Variants in PRMT8 observed in about 807,000 individuals in gnomAD.
PRMT8 encodes the protein protein arginine methyltransferase 8.
PRMT8 carries 7 observed loss-of-function variants against 47.1 expected under a neutral mutation model. The ratio of observed to expected loss-of-function variants is 0.15; its 90% confidence interval spans 0.08 to 0.28. PRMT8 has a LOEUF of 0.28. PRMT8 is among the 10% of genes least tolerant of loss of function. The pLI is 1.00. For synonymous variants in PRMT8, 188 were observed against 186.5 expected, an observed-to-expected ratio of 1.01 and a Z score of -0.07; for missense variants, 237 against 505.4, an observed-to-expected ratio of 0.47 and a Z score of 5.09.
intron 1 of PRMT8, among the ~76,000 whole-genome samples, chr12:3,419,816 C>T (rs1406915877): frequency 3.9e-5 from 6 of 151,956 alleles, no homozygotes; most frequent in African/African-American, 1.5e-4. Context: ...CGCATCCTTT[C>T]TCCTGGCTTG....
chr12:3,405,845 G>A (rs1591540335), intron 1 of PRMT8, among the ~76,000 whole-genome samples: 1 of 152,326 alleles, frequency 6.6e-6, no homozygotes, highest in African/African-American at 2.4e-5. Context: ...CAGGCACACT[G>A]TGTAAGCTGT....
At chr12:3,546,856 C>T (rs574477081) in intron 2 of PRMT8, among the ~76,000 whole-genome samples, 18 of 152,198 alleles carry the variant, frequency 1.2e-4, no homozygotes, top group South Asian at 2.1e-4. Flanking sequence ...AAAGGTAAGA[C>T]AAAGTTACAG....
chr12:3,404,450 A>C (rs1456582459), intron 1 of PRMT8, among the ~76,000 whole-genome samples: 1 of 152,226 alleles, frequency 6.6e-6, no homozygotes, highest in South Asian at 2.1e-4. Context: ...CTAAGTGAAC[A>C]TACTCATCTA....
chr12:3,542,811 C>T (rs1030639305), intron 2 of PRMT8, among the ~76,000 whole-genome samples: 1 of 152,250 alleles, frequency 6.6e-6, no homozygotes, highest in African/African-American at 2.4e-5. Context: ...TTACCGATCT[C>T]TATAATTCCT....
upstream of PRMT8, among the ~76,000 whole-genome samples, chr12:3,490,393 A>T (rs761427825): frequency 1.8e-4 from 28 of 152,010 alleles, no homozygotes; most frequent in Non-Finnish European, 4.0e-4. Context: ...TGCCGCCCAA[A>T]CTCCCTTAAA....
In PRMT8 at chr12:3,540,885, T is replaced by TG. The variant is rs1489818867; in HGVS notation, c.261+96dup. 17 of 1,366,482 alleles carry TG rather than the reference T, an allele frequency of 1.2e-5. No homozygotes were observed. In the East Asian group the frequency reaches 3.9e-4, roughly 31 times the overall value. The allele number at this position is 1,366,482 out of a possible 1,614,324, so 84.6% of individuals were successfully genotyped here. A position where few individuals can be genotyped will look rare whatever the true frequency, so the allele number is the denominator to read the frequency against. ...GCATAGTGTGTTCAACTCCTTACCA[T>TG]GGTAAAGGGAGTGCTCCCAGTGTTC... On this transcript the variant is annotated intron_variant, in intron 2 of 9. Coordinates refer to ENST00000382622, the MANE Select transcript of PRMT8 (RefSeq NM_019854.5).
intron 3 of PRMT8, chr12:3,551,733 C>T (rs951368981): frequency 6.6e-6 from 1 of 152,306 alleles, no homozygotes; most frequent in Non-Finnish European, 1.5e-5. Flanking sequence ...CACAGTTTCT[C>T]CTGTTCCAGA....
chr12:3,475,187 G>A (rs778525603), intron 1 of PRMT8, among the ~76,000 whole-genome samples: 1 of 152,206 alleles, frequency 6.6e-6, no homozygotes, highest in Non-Finnish European at 1.5e-5. Context: ...CCCAGTGGCC[G>A]TGGAACATCT....
At chr12:3,577,035 G>A (rs758174628) in intron 7 of PRMT8, 49 bp downstream of exon 7, 2 of 1,508,634 alleles carry the variant, frequency 1.3e-6, no homozygotes, top group Non-Finnish European at 1.8e-6. Flanking sequence ...GAGCCCCGCT[G>A]TGCCACCCTG....
chr12:3,583,063 G>T lies in PRMT8; in HGVS notation c.834G>T (p.Val278=), dbSNP rs777512363. ...VVTNACLIKE[V]DIYTVKTEEL... is the part of the protein sequence containing the mutation. ...CTCTCTTCTCTGGGCTGCAGGAGGT[G>T]GACATTTACACAGTGAAGACGGAAG... Residue 278 remains valine (V), a synonymous_variant, in exon 8 of 10, where the codon GTG becomes GTT. Transcript: ENST00000382622. This position sits in a 1 kb window ranked among gnomAD's most constrained non-coding sequence, Gnocchi z 4.7. 1.2e-5 allele frequency: 19 copies of T among 1,612,794 alleles called. No homozygotes were observed. The highest frequency in any genetic ancestry group is 1.7e-4 in the Middle Eastern group (1 of 5,978).
At chr12:3,498,578 C>T (rs1865543815) in intron 1 of PRMT8, among the ~76,000 whole-genome samples, 2 of 152,174 alleles carry the variant, frequency 1.3e-5, no homozygotes, top group African/African-American at 4.8e-5. Context: ...CCCTGCGCAT[C>T]TAAACTATCC....
rs929925141 is a variant in PRMT8, at chr12:3,572,139, C to T, written c.712+2575C>T. Among the ~76,000 whole-genome samples, 1 of 152,122 alleles carries T rather than the reference C, an allele frequency of 6.6e-6. No homozygotes were observed. The highest frequency in any genetic ancestry group is 1.5e-5 in the Non-Finnish European group (1 of 68,036). ...CAACATGGGAGTGCAAGAATGAGGT[C>T]AGTGCAGAACCTGCCCTCCATTTGC... On this transcript the variant is annotated intron_variant, in intron 6 of 9. Transcript: ENST00000382622. The surrounding 1 kb of genome is among the most constrained non-coding windows in gnomAD (Gnocchi z 5.9).
rs7313770 is a variant in PRMT8 at position 3,514,968 on chromosome 12, G to A, written c.75+23268G>A. 0.1 allele frequency among the ~76,000 whole-genome samples: 15,759 copies of A among 152,250 alleles called. 1,026 individuals are homozygous for A. Among genetic ancestry groups the A allele is most frequent in the African/African-American group, 0.18 (7,631 of 41,514 alleles). ...ATGTTGACAAACAGAAATTATGGAT[G>A]CCATTCATCCAGCACTTGCTATGTG... is the stretch of plus-strand genomic sequence containing the variant. On this transcript the variant is annotated intron_variant, in intron 1 of 9. Coordinates refer to ENST00000382622, the MANE Select transcript of PRMT8 (RefSeq NM_019854.5). This position sits in a 1 kb window ranked among gnomAD's most constrained non-coding sequence, Gnocchi z 5.9.
In PRMT8 at chr12:3,492,150, C is replaced by T. The variant is rs1040670699; in HGVS notation, c.75+450C>T. ...CTGCAGTGCCTTGACCGTCTCCTGC[C>T]GCTGCCTCAGCTTTACCCTTCAAGC... On this transcript the variant is annotated intron_variant, in intron 1 of 9. Transcript: ENST00000382622. This position sits in a 1 kb window ranked among gnomAD's most constrained non-coding sequence, Gnocchi z 7.5. Among the ~76,000 whole-genome samples, 3 of 151,906 alleles carry T rather than the reference C, an allele frequency of 2.0e-5. No homozygotes were observed. The highest frequency in any genetic ancestry group is 7.3e-5 in the African/African-American group (3 of 41,354).
intron 1 of PRMT8, among the ~76,000 whole-genome samples, chr12:3,431,973 TG>T (rs1864684636): frequency 6.6e-6 from 1 of 152,248 alleles, no homozygotes; most frequent in Non-Finnish European, 1.5e-5. Context: ...CAGGAATTTT[TG>T]CTTAAAGACA....
At chr12:3,584,383 G>T (rs531901724) in intron 8 of PRMT8, among the ~76,000 whole-genome samples, 1 of 152,260 alleles carries the variant, frequency 6.6e-6, no homozygotes, top group South Asian at 2.1e-4. Flanking sequence ...TTTGGAGGGG[G>T]GGACAATTCA....
intron 1 of PRMT8, among the ~76,000 whole-genome samples, chr12:3,427,750 A>T (rs573732583): frequency 7.4e-4 from 112 of 152,282 alleles, no homozygotes; most frequent in Middle Eastern, 3.4e-3. Context: ...ACAAATATAC[A>T]TATTTTAAAC....
At position 3,569,577 on chromosome 12, in the gene PRMT8, T is replaced by TTACTTCAAAATCCAC. The variant is rs1866808724; in HGVS notation, c.712+14_712+15insACTTCAAAATCCACT. 1 of 1,610,106 alleles carries TTACTTCAAAATCCAC rather than the reference T, an allele frequency of 6.2e-7. No homozygotes were observed. Among genetic ancestry groups the TTACTTCAAAATCCAC allele is most frequent in the African/African-American group, 1.3e-5 (1 of 74,772 alleles). On this transcript the variant is annotated intron_variant, in intron 6 of 9. Transcript: ENST00000382622. This position sits in a 1 kb window ranked among gnomAD's most constrained non-coding sequence, Gnocchi z 8.2. ...TTCAAAATCCACTGTAAGTCCCCTC[T>TTACTTCAAAATCCAC]TGCTTCTCCGGTGGACTTCCACTGC...
chr12:3,407,186 A>G (rs760927563), intron 1 of PRMT8, among the ~76,000 whole-genome samples: 1 of 152,142 alleles, frequency 6.6e-6, no homozygotes, highest in South Asian at 2.1e-4. Context: ...CTCACTCACT[A>G]TAACAAGACC....
Sources: allele counts gnomAD v4.1 joint callset (sites outside exome capture counted in the v4.1 genomes callset), GRCh38; gene constraint gnomAD v4.1.1; non-coding constraint Gnocchi (gnomAD v3.1); transcripts MANE v1.5; gene names NCBI Gene and HGNC (gene_info 2026-07-23, HGNC 2026-07-21).